Variants in RBM47 observed in about 807,000 individuals in gnomAD.
The protein encoded by RBM47 is RNA-binding protein 47.
In RBM47, 21 loss-of-function variants were observed where a neutral mutation model predicts 47.1. The observed-to-expected ratio is 0.45, with a 90% confidence interval of 0.32 to 0.64. The LOEUF (loss-of-function observed/expected upper bound fraction) is 0.64. RBM47 is among the 30% of genes least tolerant of loss of function. The pLI, the probability that RBM47 is intolerant of heterozygous loss-of-function variation, is 0.05. For synonymous variants in RBM47, 375 were observed against 361.7 expected (o/e 1.04, Z -0.42); for missense variants, 708 against 870.9 (o/e 0.81, Z 2.35).
At chr4:40,455,459 G>A (rs1230938648) in intron 3 of RBM47, 1 of 152,128 alleles carries the variant, frequency 6.6e-6, no homozygotes, top group African/African-American at 2.4e-5. Flanking sequence ...ACATTGTTGG[G>A]AGGATTAAAA....
At chr4:40,598,055 T>C (rs1734914993) in intron 1 of RBM47, among the ~76,000 whole-genome samples, 1 of 152,216 alleles carries the variant, frequency 6.6e-6, no homozygotes, top group Non-Finnish European at 1.5e-5. Flanking sequence ...AACATTCACT[T>C]TCTGAAAATT....
chr4:40,436,891 A>C, intron 4 of RBM47: 2 of 631,282 alleles, frequency 3.2e-6, no homozygotes, highest in Middle Eastern at 5.0e-4. Flanking sequence ...TGTATCTGCA[A>C]TTTCAGTAAA....
In RBM47 at chr4:40,431,217, A is replaced by C. The variant is rs1715938063; in HGVS notation, c.1542+1434T>G. 3.3e-5 allele frequency among the ~76,000 whole-genome samples: 5 copies of C among 152,200 alleles called. No homozygotes were observed. In the South Asian group the frequency reaches 1.0e-3, roughly 31 times the overall value. On this transcript the variant is annotated intron_variant, in intron 6 of 6. Transcript: ENST00000295971. The stretch of plus-strand genomic sequence containing the variant: ...GCTTTAACAAGATTTTCTTCTGTTA[A>C]ATGGATGTCCTCCCTATGTCCTATA...
chr4:40,568,888 G>A (rs1259581277), intron 1 of RBM47, among the ~76,000 whole-genome samples: 1 of 151,780 alleles, frequency 6.6e-6, no homozygotes, highest in East Asian at 1.9e-4. Flanking sequence ...GGCTGAGGCA[G>A]GAGAATTGCT....
chr4:40,592,980 T>TATATATA (rs1351070314), intron 1 of RBM47, among the ~76,000 whole-genome samples: 1 of 12,078 alleles, frequency 8.3e-5, no homozygotes, highest in Non-Finnish European at 1.3e-4. Flanking sequence ...TATATATATA[T>TATATATA]TTTTTTTTTT....
chr4:40,622,988 C>T (rs868106146), intron 1 of RBM47, among the ~76,000 whole-genome samples: 7 of 152,322 alleles, frequency 4.6e-5, no homozygotes, highest in Admixed American at 1.3e-4. Context: ...ATTCTGCAGA[C>T]GTATCCACCC....
At chr4:40,432,542 G>A (rs530922627) in intron 6 of RBM47, 109 bp downstream of exon 6, 34 of 1,538,988 alleles carry the variant, frequency 2.2e-5, no homozygotes, top group African/African-American at 1.5e-4. Flanking sequence ...AACCATAGCT[G>A]TAACAGAGAG....
At chr4:40,526,135 G>A (rs1726682804) in intron 2 of RBM47, among the ~76,000 whole-genome samples, 1 of 152,240 alleles carries the variant, frequency 6.6e-6, no homozygotes, top group African/African-American at 2.4e-5. Flanking sequence ...AAGTCAAGGA[G>A]GACACAGCCA....
intron 2 of RBM47, among the ~76,000 whole-genome samples, chr4:40,534,881 G>C (rs1052870297): frequency 2.0e-5 from 3 of 149,216 alleles, no homozygotes; most frequent in African/African-American, 7.5e-5. Flanking sequence ...CTTGCAGTGA[G>C]CCGAGATCGT....
At chr4:40,609,318 G>T (rs1290541784) in intron 1 of RBM47, among the ~76,000 whole-genome samples, 4 of 139,484 alleles carry the variant, frequency 2.9e-5, no homozygotes, top group Non-Finnish European at 4.7e-5. Context: ...ATTTTTATTG[G>T]TTTTTTTTTT....
At chr4:40,505,368 T>C (rs1723952457) in intron 2 of RBM47, among the ~76,000 whole-genome samples, 2 of 151,826 alleles carry the variant, frequency 1.3e-5, no homozygotes, top group South Asian at 4.2e-4. Context: ...GGTATGTGCC[T>C]GTGTTCCCAG....
At position 40,573,108 on chromosome 4, in the gene RBM47, G is replaced by A. The variant is rs553740616; in HGVS notation, c.-239-28602C>T. 6.8e-4 allele frequency among the ~76,000 whole-genome samples: 97 copies of A among 143,268 alleles called. 1 individual carries two copies. Among genetic ancestry groups the A allele is most frequent in the Admixed American group, 1.3e-3 (18 of 13,950 alleles). The allele number at this position is 143,268 out of a possible 152,430, so 94.0% of individuals were successfully genotyped here. ...GCAGAGGTTGCAATGAGCCGACATT[G>A]CGCCATTATACTCCAGACTAGGTGA... On this transcript the variant is annotated intron_variant, in intron 1 of 6. Transcript: ENST00000295971.
At chr4:40,466,265 C>CAAAAAAAAAAAAAAA (rs55805915) in intron 3 of RBM47, among the ~76,000 whole-genome samples, 2 of 91,662 alleles carry the variant, frequency 2.2e-5, no homozygotes, top group African/African-American at 4.1e-5. Context: ...GAGACTGTCT[C>CAAAAAAAAAAAAAAA]AAAAAAAAAA....
intron 1 of RBM47, among the ~76,000 whole-genome samples, chr4:40,553,735 AT>A: frequency 6.6e-6 from 1 of 152,174 alleles, no homozygotes; most frequent in Non-Finnish European, 1.5e-5. Flanking sequence ...AATAGTCAAT[AT>A]TTGAGAAATA....
At chr4:40,429,524 G>T (rs144101896) in intron 6 of RBM47, among the ~76,000 whole-genome samples, 9 of 151,704 alleles carry the variant, frequency 5.9e-5, no homozygotes. Flanking sequence ...TCATCAAAGA[G>T]CAGGAATAAA....
chr4:40,585,133 T>C (rs1165106397), intron 1 of RBM47, among the ~76,000 whole-genome samples: 1 of 152,210 alleles, frequency 6.6e-6, no homozygotes, highest in Admixed American at 6.5e-5. Flanking sequence ...ACTGGACTAC[T>C]TAAAGTTTTA....
intron 1 of RBM47, among the ~76,000 whole-genome samples, chr4:40,559,047 T>C (rs1251728959): frequency 6.6e-6 from 1 of 152,118 alleles, no homozygotes; most frequent in Non-Finnish European, 1.5e-5. Flanking sequence ...GTGCTAGTGA[T>C]TGTGGTGAAT....
At chr4:40,546,364 G>C (rs1016799385) in intron 1 of RBM47, among the ~76,000 whole-genome samples, 1 of 152,030 alleles carries the variant, frequency 6.6e-6, no homozygotes, top group African/African-American at 2.4e-5. Context: ...TGGTCAGGCT[G>C]GTCTTGAACT....
At chr4:40,463,614 T>A (rs891220891) in intron 3 of RBM47, among the ~76,000 whole-genome samples, 1 of 152,042 alleles carries the variant, frequency 6.6e-6, no homozygotes, top group East Asian at 1.9e-4. Flanking sequence ...CATAGAGAGA[T>A]TGAGGTTGGT....
Sources: gnomAD v4.1 joint callset for allele counts (sites outside exome capture counted in the v4.1 genomes callset) on GRCh38, gnomAD v4.1.1 for gene constraint, MANE v1.5 for transcripts, NCBI Gene and HGNC (gene_info 2026-07-23, HGNC 2026-07-21) for gene names.